The following ABHD5 variants were observed in gnomAD, a reference collection of about 807,000 sequenced individuals.
ABHD5 encodes 1-acylglycerol-3-phosphate O-acyltransferase ABHD5.
Under a neutral mutation model 44.9 loss-of-function variants are expected in ABHD5, and 30 were observed. The observed-to-expected ratio is 0.67, with a 90% CI of 0.50 to 0.91. ABHD5 has a LOEUF of 0.91. ABHD5 is among the 40% of genes least tolerant of loss of function. The probability of loss-of-function intolerance (pLI) is 0.00; values close to 1 mark genes in which losing one functional copy is unlikely to be tolerated. For missense variants in ABHD5, 399 were observed against 423.4 expected (o/e 0.94, Z 0.50); for synonymous variants, 167 against 147.0 (o/e 1.14, Z -0.99).
rs568457561 is a variant in ABHD5, at chr3:43,705,001, C to T, written c.506+2414C>T. On this transcript the variant is annotated intron_variant, in intron 3 of 6. Transcript: ENST00000644371. ...TGCATAAAACTTAAATTATTAAATA[C>T]AGGTTAATTTCAAAATAATGATGTT... 2.6e-5 allele frequency among the ~76,000 whole-genome samples: 4 copies of T among 152,188 alleles called. No homozygotes were observed. The South Asian group carries it at 8.3e-4, about 32-fold the overall frequency.
intron 7 of ABHD5, among the ~76,000 whole-genome samples, chr3:43,730,645 A>G (rs1034638227): frequency 2.0e-5 from 3 of 151,802 alleles, no homozygotes; most frequent in Non-Finnish European, 4.4e-5. Flanking sequence ...AGCTAGGACC[A>G]TAGGCACATG....
intron 3 of ABHD5, among the ~76,000 whole-genome samples, chr3:43,704,222 A>G (rs1214620238): frequency 6.6e-6 from 1 of 151,860 alleles, no homozygotes; most frequent in Non-Finnish European, 1.5e-5. Context: ...TATTTTTAGT[A>G]GAGACAGGGT....
In ABHD5 at chr3:43,711,852, C is replaced by T. The variant is rs746404158; in HGVS notation, c.650C>T (p.Ala217Val). Residue 217 changes from alanine (A) to valine (V), a missense_variant, in exon 4 of 7, where the codon GCA becomes GTA. Coordinates refer to ENST00000644371, the MANE Select transcript of ABHD5 (RefSeq NM_016006.6). ...PFNPLAGLRI[A>V]GPFGLSLVQR... The stretch of plus-strand genomic sequence containing the variant: ...AACCCTTTAGCTGGCCTAAGGATTG[C>T]AGGACCCTTTGGTGAGTGCTTATGT... 3 of 1,614,122 alleles carry T rather than the reference C, an allele frequency of 1.9e-6. No homozygotes were observed. The highest frequency in any genetic ancestry group is 2.2e-5 in the South Asian group (2 of 91,082).
At chr3:43,726,542 T>A (rs1341370329), downstream of ABHD5, among the ~76,000 whole-genome samples, 1 of 152,148 alleles carries the variant, frequency 6.6e-6, no homozygotes, top group Non-Finnish European at 1.5e-5. Flanking sequence ...CTTATCAAAG[T>A]TTCAGTGATG....
intron 1 of ABHD5, among the ~76,000 whole-genome samples, chr3:43,696,903 CT>C (rs1329900509): frequency 6.6e-6 from 1 of 151,934 alleles, no homozygotes; most frequent in African/African-American, 2.4e-5. Flanking sequence ...AAAAAACCCA[CT>C]TTAAAAAATC....
intron 3 of ABHD5, among the ~76,000 whole-genome samples, chr3:43,709,767 G>A (rs1255459289): frequency 6.6e-6 from 1 of 152,088 alleles, no homozygotes; most frequent in African/African-American, 2.4e-5. Context: ...ATTTAGGGCC[G>A]GGCACAGTGG....
intron 3 of ABHD5, among the ~76,000 whole-genome samples, chr3:43,710,836 C>G (rs1294795360): frequency 6.6e-6 from 1 of 152,094 alleles, no homozygotes; most frequent in Non-Finnish European, 1.5e-5. Context: ...TCAGAAGGAT[C>G]TTTGTACTTT....
chr3:43,731,725 A>G (rs916014274), intron 7 of ABHD5, among the ~76,000 whole-genome samples: 4 of 152,180 alleles, frequency 2.6e-5, no homozygotes, highest in African/African-American at 9.7e-5. Context: ...CCAACTACTC[A>G]GGAGGCTGAG....
At chr3:43,706,515 T>C (rs1223604422) in intron 3 of ABHD5, among the ~76,000 whole-genome samples, 1 of 152,064 alleles carries the variant, frequency 6.6e-6, no homozygotes, top group Middle Eastern at 3.2e-3. Flanking sequence ...TTGCACAGTT[T>C]GGAGTGCAGT....
chr3:43,693,902 T>C (rs1360232284), intron 1 of ABHD5, among the ~76,000 whole-genome samples: 1 of 152,120 alleles, frequency 6.6e-6, no homozygotes, highest in East Asian at 1.9e-4. Flanking sequence ...CCCTCTTCTG[T>C]ACTCTGGTAA....
In ABHD5 at chr3:43,702,588, G is replaced by A; in HGVS notation, c.506+1G>A. 4 of 1,614,170 alleles carry A rather than the reference G, an allele frequency of 2.5e-6. No homozygotes were observed. The highest frequency in any genetic ancestry group is 3.4e-6 in the Non-Finnish European group (4 of 1,180,014). ...CTTACTCGCTGAAGTACCCATCAAG[G>A]TAAGTGGTGGTGACAGAAGAGAGGG... On this transcript the variant is annotated splice_donor_variant, in intron 3 of 6. Coordinates refer to ENST00000644371, the MANE Select transcript of ABHD5 (RefSeq NM_016006.6). LOFTEE classifies it high-confidence loss of function.
intron 2 of ABHD5, among the ~76,000 whole-genome samples, chr3:43,700,254 A>G (rs2084524814): frequency 6.6e-6 from 1 of 152,170 alleles, no homozygotes; most frequent in African/African-American, 2.4e-5. Context: ...GTGGTGTGGA[A>G]GCCCCTTTTT....
At chr3:43,732,639 A>G (rs1331528233) in intron 7 of ABHD5, among the ~76,000 whole-genome samples, 2 of 152,266 alleles carry the variant, frequency 1.3e-5, no homozygotes, top group Non-Finnish European at 2.9e-5. Flanking sequence ...TTAATTTTAA[A>G]TATGTAAAGG....
At chr3:43,690,914 T>A, upstream of ABHD5, 2 of 1,465,560 alleles carry the variant, frequency 1.4e-6, no homozygotes, top group Non-Finnish European at 1.8e-6. Context: ...CCGCCTTAAG[T>A]GCCGCGCCAG....
At chr3:43,728,930 T>A (rs1299280651) in intron 7 of ABHD5, among the ~76,000 whole-genome samples, 2 of 152,208 alleles carry the variant, frequency 1.3e-5, no homozygotes, top group African/African-American at 4.8e-5. Flanking sequence ...ATTGCTCTTT[T>A]TAATCTGCTG....
intron 3 of ABHD5, among the ~76,000 whole-genome samples, chr3:43,706,408 C>A (rs866586297): frequency 1.3e-5 from 2 of 151,952 alleles, no homozygotes; most frequent in African/African-American, 2.4e-5. Context: ...TCTTTTCTTA[C>A]ACTCACTGTG....
chr3:43,704,730 G>T (rs1444038199), intron 3 of ABHD5, among the ~76,000 whole-genome samples: 3 of 152,144 alleles, frequency 2.0e-5, no homozygotes, highest in South Asian at 2.1e-4. Context: ...ATAGCAAAAG[G>T]TATCTAAAAA....
At chr3:43,702,121 A>C (rs2084548562) in intron 2 of ABHD5, 94 bp from the exon 3 acceptor site, 6 of 1,057,582 alleles carry the variant, frequency 5.7e-6, no homozygotes, top group Non-Finnish European at 8.2e-6. Flanking sequence ...GAGATTGGAT[A>C]CTAGATGATT....
intron 7 of ABHD5, among the ~76,000 whole-genome samples, chr3:43,730,176 G>A (rs1034599692): frequency 6.6e-6 from 1 of 152,176 alleles, no homozygotes; most frequent in African/African-American, 2.4e-5. Flanking sequence ...AGGAGGAACC[G>A]AAGGCTCAGT....
Sources: allele counts gnomAD v4.1 joint callset (sites outside exome capture counted in the v4.1 genomes callset), GRCh38; gene constraint gnomAD v4.1.1; transcripts MANE v1.5; gene names NCBI Gene and HGNC (gene_info 2026-07-23, HGNC 2026-07-21).